SPIRE1: variants seen among roughly 807,000 people sequenced by gnomAD.
SPIRE1 encodes protein spire homolog 1.
A neutral mutation model predicts 94.1 loss-of-function variants in SPIRE1; 40 were observed. The ratio of observed to expected loss-of-function variants is 0.43; its 90% CI spans 0.33 to 0.55. The LOEUF (loss-of-function observed/expected upper bound fraction) is 0.55. Among genes scored for constraint, SPIRE1 ranks in the 20% least tolerant of loss-of-function variants. The pLI is 0.06. For missense variants in SPIRE1, 838 were observed against 975.2 expected, an observed-to-expected ratio of 0.86 and a Z score of 1.87; for synonymous variants, 376 against 371.7, an observed-to-expected ratio of 1.01 and a Z score of -0.13.
intron 10 of SPIRE1, among the ~76,000 whole-genome samples, chr18:12,477,199 G>C (rs960243457): frequency 1.3e-5 from 2 of 152,128 alleles, no homozygotes; most frequent in East Asian, 3.9e-4. Flanking sequence ...TAGAAAAGGA[G>C]TTAAAAGTAG....
chr18:12,509,699 T>C (rs906002554), intron 5 of SPIRE1, among the ~76,000 whole-genome samples: 2 of 152,138 alleles, frequency 1.3e-5, no homozygotes, highest in African/African-American at 2.4e-5. Flanking sequence ...ATTCACACAA[T>C]GGAATACTTC....
chr18:12,450,660 A>G, intron 16 of SPIRE1: 1 of 622,382 alleles, frequency 1.6e-6, no homozygotes, highest in Non-Finnish European at 2.9e-6. Flanking sequence ...GTACACTACC[A>G]CTGGGAAATG....
intron 14 of SPIRE1, chr18:12,452,743 T>C (rs2031308589): frequency 1.6e-6 from 1 of 608,732 alleles, no homozygotes; most frequent in Non-Finnish European, 2.9e-6. Context: ...TTTGGAATTT[T>C]CTTATTTGTC....
At chr18:12,518,535 C>T (rs1447053215) in intron 4 of SPIRE1, among the ~76,000 whole-genome samples, 1 of 151,072 alleles carries the variant, frequency 6.6e-6, no homozygotes, top group African/African-American at 2.4e-5. Context: ...CAACAAATTA[C>T]TGCCAGGCAC....
At chr18:12,603,739 T>TA (rs1023810760) in intron 2 of SPIRE1, among the ~76,000 whole-genome samples, 4 of 152,034 alleles carry the variant, frequency 2.6e-5, no homozygotes, top group Non-Finnish European at 4.4e-5. Flanking sequence ...CACGCCTGGC[T>TA]AATTTTTGTA....
chr18:12,510,525 A>G (rs967686945), intron 5 of SPIRE1, among the ~76,000 whole-genome samples: 2 of 151,712 alleles, frequency 1.3e-5, no homozygotes, highest in African/African-American at 2.4e-5. Flanking sequence ...CCTTCCCCCA[A>G]TACCTGGACT....
chr18:12,656,583 T>C, intron 1 of SPIRE1: 1 of 325,492 alleles, frequency 3.1e-6, no homozygotes, highest in Non-Finnish European at 4.4e-6. Context: ...ACCTTAAGCA[T>C]TTTGACATTT....
chr18:12,618,094 C>T (rs1271868354), intron 2 of SPIRE1, among the ~76,000 whole-genome samples: 1 of 151,516 alleles, frequency 6.6e-6, no homozygotes, highest in Non-Finnish European at 1.5e-5. Context: ...CTATAAGGTA[C>T]TTATTTTTTA....
At chr18:12,649,165 A>T (rs1204885813) in intron 1 of SPIRE1, among the ~76,000 whole-genome samples, 2 of 152,142 alleles carry the variant, frequency 1.3e-5, no homozygotes, top group East Asian at 3.9e-4. Context: ...CAATTTCAGC[A>T]CTTTGTGAGA....
In SPIRE1 at chr18:12,521,571, T is replaced by A. The variant is rs563135162; in HGVS notation, c.730-9040A>T. Among the ~76,000 whole-genome samples, 17 of 152,212 alleles carry A rather than the reference T, an allele frequency of 1.1e-4. 1 individual carries two copies. In the East Asian group the frequency reaches 3.1e-3, roughly 28 times the overall value. On this transcript the variant is annotated intron_variant, in intron 4 of 16. Coordinates refer to ENST00000409402, the MANE Select transcript of SPIRE1 (RefSeq NM_001128626.2). ...CTGGTCTCGAACTCCCGACCTCAAG[T>A]GATCTGCCCGCCTCAGCCTCCCAAA...
At chr18:12,526,639 T>A (rs927785335) in intron 4 of SPIRE1, among the ~76,000 whole-genome samples, 1 of 152,066 alleles carries the variant, frequency 6.6e-6, no homozygotes, top group Non-Finnish European at 1.5e-5. Flanking sequence ...TAGCACAGAG[T>A]AAGTATGGAA....
At chr18:12,536,998 T>C (rs2034862569) in intron 3 of SPIRE1, among the ~76,000 whole-genome samples, 1 of 152,212 alleles carries the variant, frequency 6.6e-6, no homozygotes, top group Non-Finnish European at 1.5e-5. Flanking sequence ...TGTAATAGCC[T>C]TAATAATGTG....
chr18:12,524,871 T>C (rs1391976097), intron 4 of SPIRE1, among the ~76,000 whole-genome samples: 4 of 151,794 alleles, frequency 2.6e-5, no homozygotes, highest in Non-Finnish European at 5.9e-5. Flanking sequence ...CCTAGCTACT[T>C]GAGATGCTAA....
Position 12,657,673 on chromosome 18 carries a change from C to A in SPIRE1, c.194G>T (p.Cys65Phe). ...EEQAWAVCYQ[C>F]CGSLRAAARR... ...GGCGGCGGCGCGCAGGGAACCGCAGCACTGGTAGCACACGGCCCACGCCTG... is the reference window on the plus strand; with the variant it reads ...GGCGGCGGCGCGCAGGGAACCGCAGAACTGGTAGCACACGGCCCACGCCTG... The change falls in exon 1 of 17, where the codon TGC becomes TTC. Residue 65 changes from cysteine (C) to phenylalanine (F), a missense_variant. Transcript: ENST00000409402. The A allele has an allele frequency of 7.4e-7, 1 of 1,358,822 alleles. No individual in the cohort carries two copies. The highest frequency in any genetic ancestry group is 9.5e-7 in the Non-Finnish European group (1 of 1,049,968). The allele number at this position is 1,358,822 out of a possible 1,614,324, so 84.2% of individuals were successfully genotyped here.
intron 6 of SPIRE1, among the ~76,000 whole-genome samples, chr18:12,499,772 G>A (rs547302098): frequency 2.6e-5 from 4 of 152,136 alleles, no homozygotes; most frequent in Non-Finnish European, 5.9e-5. Context: ...AACCTTTTGT[G>A]CATCAAAGGA....
rs766997546 is a variant in SPIRE1 at position 12,449,660 on chromosome 18, T to C, written c.2249A>G (p.Glu750Gly). Residue 750 changes from glutamate to glycine, a missense_variant, in exon 17 of 17, where the codon GAG becomes GGG. Physicochemically the swap from Glu to Gly is moderately conservative, Grantham distance 98 (BLOSUM62 -2). Around this residue, in one of 2 missense-constraint regions of SPIRE1, gnomAD observed 645 missense variants for 804.7 expected, o/e 0.80. Transcript: ENST00000409402. Reference protein sequence around the residue: ...SPGPSEYCPSERTISEI With the variant: ...SPGPSEYCPSGRTISEI ...GGCTCAGATCTCACTGATCGTCCTC[T>C]CTGAAGGGCAGTACTCCGAGGGGCC... 3.1e-6 allele frequency: 5 copies of C among 1,614,178 alleles called. No homozygotes were observed. The highest frequency in any genetic ancestry group is 2.2e-5 in the South Asian group (2 of 91,076).
At chr18:12,509,099 T>C (rs2033939766) in intron 5 of SPIRE1, among the ~76,000 whole-genome samples, 1 of 152,262 alleles carries the variant, frequency 6.6e-6, no homozygotes, top group African/African-American at 2.4e-5. Flanking sequence ...ATCATATGCA[T>C]TCCTGGAGAT....
intron 2 of SPIRE1, among the ~76,000 whole-genome samples, chr18:12,565,948 G>A (rs939330910): frequency 2.6e-5 from 4 of 151,234 alleles, no homozygotes; most frequent in Admixed American, 6.6e-5. Flanking sequence ...GGAGTAGATC[G>A]CTTGAACCTG....
chr18:12,489,510 T>C (rs757050908), intron 8 of SPIRE1, among the ~76,000 whole-genome samples: 15 of 152,196 alleles, frequency 9.9e-5, no homozygotes, highest in Non-Finnish European at 1.9e-4. Context: ...CCAATCTCTA[T>C]ATCAAAAAGA....
Sources: gnomAD v4.1 joint callset for allele counts (sites outside exome capture counted in the v4.1 genomes callset) on GRCh38, gnomAD v4.1.1 for gene constraint, gnomAD v4.1.1 regional missense constraint, MANE v1.5 for transcripts, NCBI Gene and HGNC (gene_info 2026-07-23, HGNC 2026-07-21) for gene names.